ZNF804A: variants seen among roughly 807,000 people sequenced by gnomAD.
ZNF804A encodes the protein zinc finger protein 804A.
In ZNF804A, 2 loss-of-function variants were observed where a neutral mutation model predicts 16.5. The ratio of observed to expected loss-of-function variants is 0.12; its 90% CI spans 0.05 to 0.38. The LOEUF is 0.38. Among genes scored for constraint, ZNF804A ranks in the 10% least tolerant of loss-of-function variants. The probability of loss-of-function intolerance (pLI) is 0.99; values close to 1 mark genes in which losing one functional copy is unlikely to be tolerated. For synonymous variants in ZNF804A, 534 were observed against 489.6 expected (o/e 1.09, Z -1.20); for missense variants, 1,473 against 1,390.7 (o/e 1.06, Z -0.94).
chr2:184,637,905 T>G lies in ZNF804A; in HGVS notation c.111+38835T>G, dbSNP rs559440768. Among the ~76,000 whole-genome samples, 2 of 152,300 alleles carry G rather than the reference T, an allele frequency of 1.3e-5. 1 individual carries two copies. Among genetic ancestry groups the G allele is most frequent in the South Asian group, 4.1e-4 (2 of 4,826 alleles). On this transcript the variant is annotated intron_variant, in intron 1 of 3. Transcript: ENST00000302277. Reference sequence around the variant, plus strand: ...AAACTCCTGCTCCTTCATATAACTTTTTACCATTATATTCTGAACCCCTGG... The same window carrying G: ...AAACTCCTGCTCCTTCATATAACTTGTTACCATTATATTCTGAACCCCTGG...
At chr2:184,790,728 A>G (rs1694526371) in intron 1 of ZNF804A, among the ~76,000 whole-genome samples, 1 of 151,698 alleles carries the variant, frequency 6.6e-6, no homozygotes, top group African/African-American at 2.4e-5. Flanking sequence ...CTCAGCCTCC[A>G]GAGCAGCTGG....
At chr2:184,817,100 A>C (rs1694994594) in intron 1 of ZNF804A, among the ~76,000 whole-genome samples, 1 of 151,996 alleles carries the variant, frequency 6.6e-6, no homozygotes, top group Admixed American at 6.6e-5. Flanking sequence ...AACCATGAGC[A>C]TTTGGAGAAG....
intron 1 of ZNF804A, among the ~76,000 whole-genome samples, chr2:184,680,122 T>A (rs1322674309): frequency 6.6e-6 from 1 of 152,200 alleles, no homozygotes; most frequent in Non-Finnish European, 1.5e-5. Context: ...ACTGTGGGTC[T>A]CCTGTCTGCT....
At chr2:184,608,545 T>C (rs1313431560) in intron 1 of ZNF804A, among the ~76,000 whole-genome samples, 1 of 151,978 alleles carries the variant, frequency 6.6e-6, no homozygotes, top group Non-Finnish European at 1.5e-5. Context: ...GATTGTGGAG[T>C]GGACTTGTTA....
chr2:184,697,352 G>A (rs1328652476), intron 1 of ZNF804A, among the ~76,000 whole-genome samples: 2 of 151,976 alleles, frequency 1.3e-5, no homozygotes, highest in Admixed American at 6.6e-5. Flanking sequence ...CTTTGTTTCT[G>A]GGTCATAGAA....
chr2:184,812,285 G>T (rs1441633973), intron 1 of ZNF804A, among the ~76,000 whole-genome samples: 1 of 152,108 alleles, frequency 6.6e-6, no homozygotes, highest in African/African-American at 2.4e-5. Context: ...TCTGAGTTGG[G>T]ATATTCTGTG....
chr2:184,724,554 A>T (rs923936210), intron 1 of ZNF804A, among the ~76,000 whole-genome samples: 1 of 128,638 alleles, frequency 7.8e-6, no homozygotes, highest in Non-Finnish European at 1.6e-5. Context: ...ATGAAAAGAT[A>T]CTAAGATACT....
intron 1 of ZNF804A, among the ~76,000 whole-genome samples, chr2:184,607,595 C>T (rs1024032405): frequency 6.6e-6 from 1 of 151,964 alleles, no homozygotes; most frequent in Non-Finnish European, 1.5e-5. Context: ...CCCCCTTCCA[C>T]CCCCATGACA....
At chr2:184,905,496 T>C (rs1685256537) in intron 2 of ZNF804A, among the ~76,000 whole-genome samples, 2 of 152,150 alleles carry the variant, frequency 1.3e-5, no homozygotes, top group Non-Finnish European at 2.9e-5. Flanking sequence ...TCATTTTCCC[T>C]GAGAGATTTG....
intron 2 of ZNF804A, among the ~76,000 whole-genome samples, chr2:184,931,300 G>A (rs1034925417): frequency 7.9e-5 from 12 of 152,310 alleles, no homozygotes; most frequent in African/African-American, 1.4e-4. Context: ...CCTTCTGCAC[G>A]GCCCTAGCAG....
chr2:184,926,852 C>A (rs1685620477), intron 2 of ZNF804A, among the ~76,000 whole-genome samples: 1 of 152,106 alleles, frequency 6.6e-6, no homozygotes, highest in Non-Finnish European at 1.5e-5. Context: ...TTTCTGCTTG[C>A]TTTAATTATG....
intron 1 of ZNF804A, among the ~76,000 whole-genome samples, chr2:184,844,357 A>G (rs985410994): frequency 6.6e-6 from 1 of 151,830 alleles, no homozygotes; most frequent in African/African-American, 2.4e-5. Flanking sequence ...TTCTTACATC[A>G]TTTTCTTCCT....
intron 1 of ZNF804A, among the ~76,000 whole-genome samples, chr2:184,670,965 A>C (rs1692331029): frequency 6.6e-6 from 1 of 152,142 alleles, no homozygotes; most frequent in Non-Finnish European, 1.5e-5. Context: ...AGGTTATAGC[A>C]TCTACCTGGG....
chr2:184,826,356 T>A (rs1302575917), intron 1 of ZNF804A, among the ~76,000 whole-genome samples: 1 of 152,152 alleles, frequency 6.6e-6, no homozygotes, highest in East Asian at 1.9e-4. Context: ...TATGAGGAAA[T>A]GACTTCTAAA....
At chr2:184,654,184 T>G (rs1025003491) in intron 1 of ZNF804A, among the ~76,000 whole-genome samples, 3 of 152,212 alleles carry the variant, frequency 2.0e-5, no homozygotes, top group African/African-American at 7.2e-5. Flanking sequence ...ATAGCCCGGT[T>G]CTGATGCCAT....
At chr2:184,662,219 G>A (rs886183948) in intron 1 of ZNF804A, among the ~76,000 whole-genome samples, 3 of 152,270 alleles carry the variant, frequency 2.0e-5, no homozygotes, top group East Asian at 3.9e-4. Context: ...ATTACCTGTT[G>A]TGTCATCAAT....
At chr2:184,638,625 C>T (rs1224502185) in intron 1 of ZNF804A, among the ~76,000 whole-genome samples, 1 of 152,042 alleles carries the variant, frequency 6.6e-6, no homozygotes, top group Admixed American at 6.6e-5. Context: ...GTATAACTTA[C>T]TAGATTTTAT....
intron 1 of ZNF804A, among the ~76,000 whole-genome samples, chr2:184,842,522 T>A (rs555708463): frequency 2.0e-5 from 3 of 151,982 alleles, no homozygotes; most frequent in South Asian, 2.1e-4. Flanking sequence ...ATTTTTTTTT[T>A]TAAAAAAAAA....
At chr2:184,888,995 A>G (rs1684940904) in intron 2 of ZNF804A, among the ~76,000 whole-genome samples, 2 of 152,096 alleles carry the variant, frequency 1.3e-5, no homozygotes, top group South Asian at 4.1e-4. Flanking sequence ...CTAAAAACAA[A>G]ACTTTTTTCT....
Sources: allele counts gnomAD v4.1 joint callset (sites outside exome capture counted in the v4.1 genomes callset), GRCh38; gene constraint gnomAD v4.1.1; transcripts MANE v1.5; gene names NCBI Gene and HGNC (gene_info 2026-07-23, HGNC 2026-07-21).